The following ST6GALNAC3 variants were observed in gnomAD, a reference collection of about 807,000 sequenced individuals.
The protein encoded by ST6GALNAC3 is alpha-N-acetylgalactosaminide alpha-2,6-sialyltransferase 3.
A neutral mutation model predicts 32.7 loss-of-function variants in ST6GALNAC3; 25 were observed. The ratio of observed to expected loss-of-function variants is 0.76; its 90% confidence interval spans 0.56 to 1.07. The LOEUF is 1.07. ST6GALNAC3 is among the 50% of genes least tolerant of loss of function. ST6GALNAC3 has a pLI of 0.00. For synonymous variants in ST6GALNAC3, 129 were observed against 133.1 expected (o/e 0.97, Z 0.21); for missense variants, 355 against 382.4 (o/e 0.93, Z 0.60).
chr1:76,325,460 G>T (rs2100937446), intron 2 of ST6GALNAC3, among the ~76,000 whole-genome samples: 1 of 152,012 alleles, frequency 6.6e-6, no homozygotes, highest in East Asian at 1.9e-4. Context: ...CAAGTTTTTT[G>T]CAAGGTAAAT....
At chr1:76,540,254 G>T (rs1405638939) in intron 3 of ST6GALNAC3, among the ~76,000 whole-genome samples, 1 of 152,046 alleles carries the variant, frequency 6.6e-6, no homozygotes, top group Non-Finnish European at 1.5e-5. Context: ...ACTAACACAG[G>T]AACAGAAAAC....
chr1:76,078,483 C>T (rs1358013543), intron 1 of ST6GALNAC3, among the ~76,000 whole-genome samples: 3 of 152,090 alleles, frequency 2.0e-5, no homozygotes, highest in African/African-American at 7.2e-5. Context: ...CTTCACATTG[C>T]CTGGACTTTA....
At chr1:76,172,159 C>T (rs891783812) in intron 1 of ST6GALNAC3, among the ~76,000 whole-genome samples, 4 of 152,146 alleles carry the variant, frequency 2.6e-5, no homozygotes, top group African/African-American at 7.2e-5. Context: ...TTGGCTTTAT[C>T]GCTGGGATGC....
At chr1:76,477,448 C>T (rs965027024) in intron 3 of ST6GALNAC3, among the ~76,000 whole-genome samples, 17 of 152,134 alleles carry the variant, frequency 1.1e-4, no homozygotes, top group Non-Finnish European at 1.8e-4. Context: ...TCAGTCTTAG[C>T]AGAATGTAGA....
intron 2 of ST6GALNAC3, among the ~76,000 whole-genome samples, chr1:76,321,460 T>A (rs1379559320): frequency 6.6e-6 from 1 of 152,194 alleles, no homozygotes; most frequent in Non-Finnish European, 1.5e-5. Flanking sequence ...CTTTTTACTT[T>A]TGCTGGTTTG....
At chr1:76,227,715 G>A (rs1440882906) in intron 1 of ST6GALNAC3, among the ~76,000 whole-genome samples, 2 of 152,082 alleles carry the variant, frequency 1.3e-5, no homozygotes, top group Non-Finnish European at 2.9e-5. Flanking sequence ...AAGTCTCTAG[G>A]GAAGAAAATT....
chr1:76,594,188 C>T (rs1023225990), intron 3 of ST6GALNAC3, among the ~76,000 whole-genome samples: 14 of 151,956 alleles, frequency 9.2e-5, no homozygotes, highest in South Asian at 4.2e-4. Flanking sequence ...GGAGTATAAA[C>T]GTAAAAAATA....
chr1:76,181,274 G>C (rs1653163605), intron 1 of ST6GALNAC3, among the ~76,000 whole-genome samples: 1 of 152,224 alleles, frequency 6.6e-6, no homozygotes, highest in African/African-American at 2.4e-5. Context: ...GACATGGATA[G>C]AATTTCAATG....
intron 3 of ST6GALNAC3, among the ~76,000 whole-genome samples, chr1:76,502,565 A>G (rs187275224): frequency 6.6e-6 from 1 of 152,246 alleles, no homozygotes; most frequent in East Asian, 1.9e-4. Context: ...CCTTCTCTGC[A>G]TGTCTGTGTC....
At chr1:76,494,649 G>GCGCGCACACACA (rs142496688) in intron 3 of ST6GALNAC3, among the ~76,000 whole-genome samples, 4 of 67,702 alleles carry the variant, frequency 5.9e-5, no homozygotes, top group African/African-American at 2.6e-4. Context: ...ATGTGTATGC[G>GCGCGCACACACA]CACACACACA....
chr1:76,324,576 A>G (rs73002499), intron 2 of ST6GALNAC3, among the ~76,000 whole-genome samples: 5,790 of 152,290 alleles, frequency 0.038, 120 homozygotes, highest in African/African-American at 0.06. Context: ...ACACGTGATG[A>G]CAACTCCTCT....
chr1:76,181,653 A>G (rs1653187965), intron 1 of ST6GALNAC3, among the ~76,000 whole-genome samples: 1 of 152,176 alleles, frequency 6.6e-6, no homozygotes, highest in African/African-American at 2.4e-5. Context: ...TAGCCAAAAA[A>G]ATATGGTTAT....
At chr1:76,171,245 A>G (rs1047770333) in intron 1 of ST6GALNAC3, among the ~76,000 whole-genome samples, 1 of 152,150 alleles carries the variant, frequency 6.6e-6, no homozygotes, top group South Asian at 2.1e-4. Flanking sequence ...TAGTGAAGCT[A>G]TTGATGTAAT....
chr1:76,609,533 C>G (rs1307024280), intron 3 of ST6GALNAC3, among the ~76,000 whole-genome samples: 1 of 151,854 alleles, frequency 6.6e-6, no homozygotes, highest in Non-Finnish European at 1.5e-5. Context: ...TGGCTAATAC[C>G]ATAAATTAAT....
chr1:76,189,748 A>G (rs1213268647), intron 1 of ST6GALNAC3, among the ~76,000 whole-genome samples: 2 of 152,186 alleles, frequency 1.3e-5, no homozygotes, highest in Non-Finnish European at 2.9e-5. Flanking sequence ...TCTTGCAGAA[A>G]AGTATAAGCG....
At chr1:76,467,867 AAT>A (rs1401018869) in intron 3 of ST6GALNAC3, among the ~76,000 whole-genome samples, 1 of 152,022 alleles carries the variant, frequency 6.6e-6, no homozygotes, top group Non-Finnish European at 1.5e-5. Flanking sequence ...AATAAAATGA[AAT>A]ACAATTTTCA....
At chr1:76,164,189 G>C (rs1043845432) in intron 1 of ST6GALNAC3, among the ~76,000 whole-genome samples, 9 of 152,178 alleles carry the variant, frequency 5.9e-5, no homozygotes, top group African/African-American at 2.2e-4. Flanking sequence ...TGCATTTAGG[G>C]ATATGCTGAT....
chr1:76,626,229 G>T (rs948493983), intron 3 of ST6GALNAC3, among the ~76,000 whole-genome samples: 1 of 151,788 alleles, frequency 6.6e-6, no homozygotes, highest in South Asian at 2.1e-4. Flanking sequence ...TCCAGAGAGC[G>T]GTTATCAGTA....
chr1:76,405,589 G>A (rs949082181), intron 2 of ST6GALNAC3, among the ~76,000 whole-genome samples: 1 of 125,994 alleles, frequency 7.9e-6, no homozygotes, highest in Non-Finnish European at 1.7e-5. Flanking sequence ...GGTAACAGAT[G>A]TGTGTGTGTG....
Sources: allele counts gnomAD v4.1 joint callset (sites outside exome capture counted in the v4.1 genomes callset), GRCh38; gene constraint gnomAD v4.1.1; transcripts MANE v1.5; gene names NCBI Gene and HGNC (gene_info 2026-07-23, HGNC 2026-07-21).